SDCBP: variants seen among roughly 807,000 people sequenced by gnomAD.
The protein encoded by SDCBP is syndecan binding protein.
Under a neutral mutation model 30.5 loss-of-function variants are expected in SDCBP, and 22 were observed. That is an observed-to-expected ratio of 0.72 (90% CI 0.52 to 1.03). SDCBP has a LOEUF of 1.03. Ranked by LOEUF, SDCBP falls within the 50% of genes least tolerant of loss-of-function variation. The pLI is 0.00. For synonymous variants in SDCBP, 103 were observed against 118.7 expected (o/e 0.87, Z 0.86); for missense variants, 304 against 369.9 (o/e 0.82, Z 1.46).
intron 2 of SDCBP, among the ~76,000 whole-genome samples, chr8:58,569,065 C>T (rs1272237168): frequency 6.6e-6 from 1 of 151,998 alleles, no homozygotes; most frequent in Non-Finnish European, 1.5e-5. Context: ...TCCCCCAAAA[C>T]GGAGTCTGGC....
chr8:58,555,295 G>T (rs149038753), intron 1 of SDCBP, among the ~76,000 whole-genome samples: 3,175 of 152,230 alleles, frequency 0.021, 56 homozygotes, highest in Non-Finnish European at 0.033. Context: ...TAGAATTTCG[G>T]TAAGATAACT....
chr8:58,564,987 T>C (rs1804625380), intron 1 of SDCBP, 32 bp from the exon 2 acceptor site: 3 of 1,234,300 alleles, frequency 2.4e-6, no homozygotes, highest in East Asian at 2.4e-5. Context: ...TTCTATGACA[T>C]TAGAGTAATA....
intron 2 of SDCBP, among the ~76,000 whole-genome samples, chr8:58,565,776 G>A (rs947394045): frequency 1.1e-4 from 16 of 151,962 alleles, no homozygotes; most frequent in Non-Finnish European, 1.5e-5. Flanking sequence ...TTTAATTGGG[G>A]GTAATTTGTA....
At chr8:58,560,055 GCGGGGTCAT>G (rs947393908) in intron 1 of SDCBP, among the ~76,000 whole-genome samples, 2 of 152,166 alleles carry the variant, frequency 1.3e-5, no homozygotes, top group African/African-American at 4.8e-5. Context: ...GCACCAGGTT[GCGGGGTCAT>G]TGAAAACAAA....
chr8:58,567,508 T>C (rs1804763865), intron 2 of SDCBP, among the ~76,000 whole-genome samples: 1 of 152,224 alleles, frequency 6.6e-6, no homozygotes, highest in Non-Finnish European at 1.5e-5. Flanking sequence ...CTCATTAATA[T>C]CACCTGAAGT....
At chr8:58,577,164 AC>A (rs1254853473) in intron 5 of SDCBP, among the ~76,000 whole-genome samples, 1 of 152,198 alleles carries the variant, frequency 6.6e-6, no homozygotes, top group Non-Finnish European at 1.5e-5. Context: ...GGATTTGTTC[AC>A]TTGGCCAAAG....
chr8:58,567,567 G>A (rs891709945), intron 2 of SDCBP, among the ~76,000 whole-genome samples: 2 of 152,294 alleles, frequency 1.3e-5, no homozygotes, highest in African/African-American at 2.4e-5. Flanking sequence ...GGTGTTATAT[G>A]TTCTGTGGAT....
At chr8:58,568,772 A>T (rs1247281136) in intron 2 of SDCBP, among the ~76,000 whole-genome samples, 1 of 152,216 alleles carries the variant, frequency 6.6e-6, no homozygotes, top group East Asian at 1.9e-4. Flanking sequence ...CAGGCAGCAC[A>T]TGACTGTATA....
intron 4 of SDCBP, 140 bp downstream of exon 4, chr8:58,572,454 A>G (rs1242943336): frequency 2.6e-5 from 15 of 587,646 alleles, no homozygotes; most frequent in Non-Finnish European, 4.5e-5. Flanking sequence ...TTCCTTTTGG[A>G]TATCATTTCT....
intron 1 of SDCBP, among the ~76,000 whole-genome samples, chr8:58,559,743 A>G (rs78423710): frequency 1.8e-3 from 269 of 152,372 alleles, no homozygotes; most frequent in African/African-American, 6.2e-3. Flanking sequence ...TACTGATTCA[A>G]TAACAATACA....
At chr8:58,581,530 G>T (rs28656336) in intron 8 of SDCBP, among the ~76,000 whole-genome samples, 156 bp from the exon 9 acceptor site, 37,733 of 152,022 alleles carry the variant, frequency 0.25, 5,297 homozygotes, top group South Asian at 0.36. Flanking sequence ...TACCAGAGAT[G>T]CTTCTGGACT....
rs1804448240 is a variant in SDCBP at position 58,561,675 on chromosome 8, A to G, written c.-15-3344A>G. ...ATCTGAGAGAGTTCATCACCACTAT[A>G]TCTGACTTAAACGCCAATGGGAGTC... is the stretch of plus-strand genomic sequence containing the variant. On this transcript the variant is annotated intron_variant, in intron 1 of 8. Transcript: ENST00000260130. 4 of 608,906 alleles carry G rather than the reference A, an allele frequency of 6.6e-6. No homozygotes were observed. In the South Asian group the frequency reaches 7.8e-5, roughly 12 times the overall value. The allele number at this position is 608,906 out of a possible 1,614,324, so 37.7% of individuals were successfully genotyped here.
chr8:58,557,394 A>G (rs1237710379), intron 1 of SDCBP, among the ~76,000 whole-genome samples: 1 of 117,966 alleles, frequency 8.5e-6, no homozygotes, highest in African/African-American at 3.1e-5. Flanking sequence ...ATTTATATTT[A>G]AAATATAATA....
chr8:58,564,567 G>A (rs1804606536), intron 1 of SDCBP, among the ~76,000 whole-genome samples: 1 of 152,178 alleles, frequency 6.6e-6, no homozygotes, highest in Non-Finnish European at 1.5e-5. Flanking sequence ...TAGTAATAGA[G>A]GTTCATGTAT....
chr8:58,562,686 T>C (rs1333252651), intron 1 of SDCBP, among the ~76,000 whole-genome samples: 1 of 152,150 alleles, frequency 6.6e-6, no homozygotes, highest in Non-Finnish European at 1.5e-5. Flanking sequence ...TAACATAAAA[T>C]AGATCAAAGA....
At position 58,579,608 on chromosome 8, in the gene SDCBP, C is replaced by A. The variant is rs767759606; in HGVS notation, c.579-15C>A. On this transcript the variant is annotated splice_polypyrimidine_tract_variant and intron_variant, in intron 6 of 8. Coordinates refer to ENST00000260130, the MANE Select transcript of SDCBP (RefSeq NM_005625.4). ...CTTAGAATTAAGTTTTTAATTGAACCAATTATGTTTGTAGGCCCTTTGAAC... is the reference window on the plus strand; with the variant it reads ...CTTAGAATTAAGTTTTTAATTGAACAAATTATGTTTGTAGGCCCTTTGAAC... 6 of 1,493,646 alleles carry A rather than the reference C, an allele frequency of 4.0e-6. No individual in the cohort carries two copies. Among genetic ancestry groups the A allele is most frequent in the East Asian group, 2.4e-5 (1 of 41,244 alleles). The allele number at this position is 1,493,646 out of a possible 1,614,324, so 92.5% of individuals were successfully genotyped here. A position where few individuals can be genotyped will look rare whatever the true frequency, so the allele number is the denominator to read the frequency against.
At chr8:58,579,195 T>G (rs991359523) in intron 6 of SDCBP, among the ~76,000 whole-genome samples, 4 of 151,872 alleles carry the variant, frequency 2.6e-5, no homozygotes, top group Non-Finnish European at 5.9e-5. Context: ...GTGAGAAATA[T>G]TTTAAAGGTT....
chr8:58,561,306 C>T lies in SDCBP; in HGVS notation c.-15-3713C>T, dbSNP rs1473938010. ...GTTGGAAAGAGAAAGGAGCAAAAAG[C>T]TTATTTGAAGAAATACTGGCCAAAA... On this transcript the variant is annotated intron_variant, in intron 1 of 8. Transcript: ENST00000260130. 1.3e-5 allele frequency: 2 copies of T among 153,266 alleles called. 1 individual carries two copies. Among genetic ancestry groups the T allele is most frequent in the East Asian group, 3.8e-4 (2 of 5,218 alleles). The allele number at this position is 153,266 out of a possible 1,614,324, so 9.5% of individuals were successfully genotyped here. A position where few individuals can be genotyped will look rare whatever the true frequency, so the allele number is the denominator to read the frequency against.
intron 2 of SDCBP, among the ~76,000 whole-genome samples, chr8:58,567,867 G>T (rs1026606889): frequency 6.6e-6 from 1 of 152,108 alleles, no homozygotes; most frequent in African/African-American, 2.4e-5. Context: ...ACACAGAAAA[G>T]GTATGGTAAA....
Sources: allele counts gnomAD v4.1 joint callset (sites outside exome capture counted in the v4.1 genomes callset), GRCh38; gene constraint gnomAD v4.1.1; transcripts MANE v1.5; gene names NCBI Gene and HGNC (gene_info 2026-07-23, HGNC 2026-07-21).